FBXL5: variants seen among roughly 807,000 people sequenced by gnomAD.
FBXL5 encodes F-box and leucine rich repeat protein 5.
In FBXL5, 26 loss-of-function variants were observed where a neutral mutation model predicts 78.3. That is an observed-to-expected ratio of 0.33 (90% CI 0.24 to 0.46). The LOEUF (loss-of-function observed/expected upper bound fraction) is 0.46. Ranked by LOEUF, FBXL5 falls within the 20% of genes least tolerant of loss-of-function variation. FBXL5 has a pLI of 1.00. For synonymous variants in FBXL5, 295 were observed against 282.5 expected, an observed-to-expected ratio of 1.04 and a Z score of -0.45; for missense variants, 710 against 829.2, an observed-to-expected ratio of 0.86 and a Z score of 1.77.
At chr4:15,651,992 A>T (rs1479449408) in intron 1 of FBXL5, among the ~76,000 whole-genome samples, 2 of 152,178 alleles carry the variant, frequency 1.3e-5, no homozygotes, top group African/African-American at 4.8e-5. Flanking sequence ...CCTAGCATAG[A>T]TGTTATTACA....
chr4:15,671,203 C>T (rs941695881), intron 1 of FBXL5, among the ~76,000 whole-genome samples: 10 of 151,844 alleles, frequency 6.6e-5, no homozygotes, highest in African/African-American at 2.2e-4. Flanking sequence ...GGATTACAGG[C>T]GTGAGTCACT....
chr4:15,624,988 G>A (rs1404060100), intron 9 of FBXL5, among the ~76,000 whole-genome samples: 3 of 152,188 alleles, frequency 2.0e-5, no homozygotes, highest in South Asian at 4.1e-4. Flanking sequence ...CTTAAAATAT[G>A]TGATGTAGCC....
At chr4:15,680,303 C>A (rs1231983550) in intron 1 of FBXL5, among the ~76,000 whole-genome samples, 1 of 152,116 alleles carries the variant, frequency 6.6e-6, no homozygotes, top group Non-Finnish European at 1.5e-5. Flanking sequence ...GGAAGTGTTT[C>A]TTGCTGCATT....
chr4:15,636,914 T>G (rs576178141), intron 4 of FBXL5, among the ~76,000 whole-genome samples: 2 of 152,262 alleles, frequency 1.3e-5, no homozygotes, highest in South Asian at 4.1e-4. Flanking sequence ...GCTACAATAA[T>G]GAACACAGAA....
chr4:15,619,116 T>C (rs1712218807), intron 9 of FBXL5, among the ~76,000 whole-genome samples: 1 of 152,082 alleles, frequency 6.6e-6, no homozygotes, highest in Non-Finnish European at 1.5e-5. Flanking sequence ...TGAGCCATAA[T>C]AGCACCACTG....
Position 15,626,966 on chromosome 4 carries a change from A to G in FBXL5, c.1042-11T>C. 1 of 1,580,036 alleles carries G rather than the reference A, an allele frequency of 6.3e-7. No individual in the cohort carries two copies. The highest frequency in any genetic ancestry group is 8.6e-7 in the Non-Finnish European group (1 of 1,161,394). On this transcript the variant is annotated splice_polypyrimidine_tract_variant and intron_variant, in intron 7 of 10. Transcript: ENST00000341285. ...TAAAATCTGCCTAACCTAAAAGGCA[A>G]GAAATTGTCACTGTAAAGATCTGCA...
chr4:15,641,426 T>C (rs1192135363), intron 2 of FBXL5: 2 of 355,686 alleles, frequency 5.6e-6, no homozygotes, highest in African/African-American at 4.5e-5. Context: ...ACAATGAGGA[T>C]AAAGACATTT....
chr4:15,659,673 T>C (rs1717213587), upstream of FBXL5: 8 of 953,780 alleles, frequency 8.4e-6, no homozygotes, highest in Non-Finnish European at 1.0e-5. Context: ...CCTTGCAAAA[T>C]TTTCAGACAG....
intron 9 of FBXL5, among the ~76,000 whole-genome samples, chr4:15,613,216 A>G (rs544969101): frequency 1.3e-5 from 2 of 152,296 alleles, no homozygotes; most frequent in African/African-American, 2.4e-5. Context: ...GTGACTGCTA[A>G]TAAGTATGGG....
In FBXL5 at chr4:15,655,198, C is replaced by G. The variant is rs201406404; in HGVS notation, c.84+6G>C. 556 of 1,405,324 alleles carry G rather than the reference C, an allele frequency of 4.0e-4. 5 individuals are homozygous for G. In the East Asian group the frequency reaches 0.011, roughly 29 times the overall value. The allele number at this position is 1,405,324 out of a possible 1,614,324, so 87.1% of individuals were successfully genotyped here. On this transcript the variant is annotated splice_donor_region_variant and intron_variant, in intron 1 of 10. Coordinates refer to ENST00000341285, the MANE Select transcript of FBXL5 (RefSeq NM_012161.4). ...GCCCACAGCGGGAGGCTCAGCGCTC[C>G]GTTACCTTGTCGCAGTAGAGCCCCA...
intron 5 of FBXL5, among the ~76,000 whole-genome samples, chr4:15,633,258 C>CT (rs1320380285): frequency 7.2e-5 from 11 of 152,294 alleles, no homozygotes; most frequent in African/African-American, 2.6e-4. Flanking sequence ...TATGTATCTA[C>CT]TTTCTATACA....
chr4:15,634,683 T>C (rs1370581733), intron 5 of FBXL5, among the ~76,000 whole-genome samples: 1 of 152,090 alleles, frequency 6.6e-6, no homozygotes, highest in Non-Finnish European at 1.5e-5. Flanking sequence ...TTTATTTTTT[T>C]AGTAGAGATG....
At chr4:15,675,311 T>C (rs920071498) in intron 1 of FBXL5, among the ~76,000 whole-genome samples, 1 of 152,200 alleles carries the variant, frequency 6.6e-6, no homozygotes, top group Non-Finnish European at 1.5e-5. Flanking sequence ...AGCAAAATAC[T>C]AGTATATAAA....
chr4:15,648,700 T>C (rs114798969), intron 1 of FBXL5, among the ~76,000 whole-genome samples: 45 of 152,282 alleles, frequency 3.0e-4, no homozygotes, highest in African/African-American at 9.6e-4. Context: ...AAGGTGGTTG[T>C]TGGGGCAGGG....
intron 10 of FBXL5, among the ~76,000 whole-genome samples, chr4:15,606,119 A>C (rs907480976): frequency 8.5e-5 from 13 of 152,310 alleles, no homozygotes; most frequent in African/African-American, 2.9e-4. Flanking sequence ...TAACTTATAA[A>C]AAGATTCTTA....
intron 1 of FBXL5, among the ~76,000 whole-genome samples, chr4:15,654,540 G>A (rs1289125177): frequency 6.6e-6 from 1 of 152,172 alleles, no homozygotes; most frequent in Non-Finnish European, 1.5e-5. Context: ...TCTACATCCA[G>A]TAAGTGTTCA....
At chr4:15,662,719 A>G (rs1441828518), upstream of FBXL5, among the ~76,000 whole-genome samples, 3 of 152,216 alleles carry the variant, frequency 2.0e-5, no homozygotes, top group Non-Finnish European at 2.9e-5. Context: ...AATCCATTCA[A>G]TCCATTATCT....
chr4:15,654,446 C>T (rs867667482), intron 1 of FBXL5, among the ~76,000 whole-genome samples: 121 of 152,280 alleles, frequency 7.9e-4, no homozygotes, highest in African/African-American at 2.8e-3. Context: ...ATGGTTCTCA[C>T]AGTTAAACCA....
upstream of FBXL5, among the ~76,000 whole-genome samples, chr4:15,657,415 G>A (rs1717049112): frequency 6.6e-6 from 1 of 152,168 alleles, no homozygotes; most frequent in Admixed American, 6.5e-5. Flanking sequence ...ATGCTATGTT[G>A]TCTTGTCCAA....
Sources: gnomAD v4.1 joint callset for allele counts (sites outside exome capture counted in the v4.1 genomes callset) on GRCh38, gnomAD v4.1.1 for gene constraint, MANE v1.5 for transcripts, NCBI Gene and HGNC (gene_info 2026-07-23, HGNC 2026-07-21) for gene names.